LINGO2: variants seen among roughly 807,000 people sequenced by gnomAD.
The protein encoded by LINGO2 is leucine rich repeat and Ig domain containing 2.
In LINGO2, 14 loss-of-function variants were observed where a neutral mutation model predicts 30.6. The ratio of observed to expected loss-of-function variants is 0.46; its 90% CI spans 0.30 to 0.72. The LOEUF is 0.72. LINGO2 is among the 30% of genes least tolerant of loss of function. The probability of loss-of-function intolerance (pLI) is 0.07; values close to 1 mark genes in which losing one functional copy is unlikely to be tolerated. For synonymous variants in LINGO2, 317 were observed against 288.5 expected, an observed-to-expected ratio of 1.10 and a Z score of -1.00; for missense variants, 729 against 751.7, an observed-to-expected ratio of 0.97 and a Z score of 0.35.
the LINGO2 span, among the ~76,000 whole-genome samples, chr9:29,100,783 T>A: frequency 6.6e-6 from 1 of 152,144 alleles, no homozygotes; most frequent in Admixed American, 6.6e-5. Context: ...TTAACCCTAA[T>A]GTGATTATTA....
chr9:29,027,737 A>G, the LINGO2 span, among the ~76,000 whole-genome samples: 3 of 152,206 alleles, frequency 2.0e-5, no homozygotes, highest in Admixed American at 6.6e-5. Context: ...CTTAGGAAAT[A>G]AGCTTTTATG....
At chr9:28,638,533 C>G (rs62548212) in intron 1 of LINGO2, among the ~76,000 whole-genome samples, 10,775 of 152,130 alleles carry the variant, frequency 0.071, 552 homozygotes, top group Admixed American at 0.19. Context: ...CAACTGCTTC[C>G]TGGTTTAGTC....
the LINGO2 span, among the ~76,000 whole-genome samples, chr9:28,899,186 C>T: frequency 2.0e-5 from 3 of 152,178 alleles, no homozygotes; most frequent in South Asian, 2.1e-4. Flanking sequence ...CACATTGCCC[C>T]GTCCCCAAAC....
chr9:29,204,956 G>A, the LINGO2 span, among the ~76,000 whole-genome samples: 1 of 152,202 alleles, frequency 6.6e-6, no homozygotes, highest in African/African-American at 2.4e-5. Flanking sequence ...TCCTTATCAA[G>A]TTGAGGAAGT....
the LINGO2 span, among the ~76,000 whole-genome samples, chr9:28,832,470 A>G: frequency 6.6e-6 from 1 of 152,160 alleles, no homozygotes; most frequent in Admixed American, 6.6e-5. Flanking sequence ...TAGAGTATAC[A>G]ATAATTTCTG....
chr9:29,071,034 AC>A, the LINGO2 span, among the ~76,000 whole-genome samples: 2 of 151,020 alleles, frequency 1.3e-5, no homozygotes, highest in South Asian at 2.1e-4. Flanking sequence ...AAACAAAAAA[AC>A]ATATGTATAT....
intron 5 of LINGO2, among the ~76,000 whole-genome samples, chr9:27,952,849 G>T (rs1237258328): frequency 6.6e-6 from 1 of 152,024 alleles, no homozygotes; most frequent in African/African-American, 2.4e-5. Flanking sequence ...TGTGAATAAA[G>T]TTAGAAACCC....
chr9:29,180,223 G>C, the LINGO2 span, among the ~76,000 whole-genome samples: 2 of 152,060 alleles, frequency 1.3e-5, no homozygotes, highest in Non-Finnish European at 2.9e-5. Context: ...TAGATTTTTC[G>C]CTTCCATTTT....
At chr9:28,986,553 C>A in the LINGO2 span, among the ~76,000 whole-genome samples, 1 of 151,942 alleles carries the variant, frequency 6.6e-6, no homozygotes, top group Non-Finnish European at 1.5e-5. Context: ...TTTCTTTCAT[C>A]AATGTTTTAT....
the LINGO2 span, among the ~76,000 whole-genome samples, chr9:29,189,812 C>G: frequency 3.3e-5 from 5 of 152,052 alleles, no homozygotes; most frequent in African/African-American, 9.7e-5. Context: ...GAGCTGGAGA[C>G]CAGCCCGGCC....
chr9:28,996,956 C>T, the LINGO2 span, among the ~76,000 whole-genome samples: 9 of 152,148 alleles, frequency 5.9e-5, no homozygotes, highest in South Asian at 2.1e-4. Flanking sequence ...TTCTTTTAAA[C>T]GCTTTCTCTG....
the LINGO2 span, among the ~76,000 whole-genome samples, chr9:28,874,258 T>C: frequency 6.6e-6 from 1 of 152,074 alleles, no homozygotes; most frequent in Non-Finnish European, 1.5e-5. Context: ...GGCCATTAAT[T>C]TGAGTACATC....
At chr9:28,479,721 C>G (rs1010703033) in intron 1 of LINGO2, among the ~76,000 whole-genome samples, 4 of 150,728 alleles carry the variant, frequency 2.7e-5, no homozygotes, top group African/African-American at 7.3e-5. Flanking sequence ...TTCCAAACAA[C>G]AATGTATTTC....
intron 1 of LINGO2, among the ~76,000 whole-genome samples, chr9:28,603,266 T>G (rs1825563232): frequency 6.6e-6 from 1 of 152,004 alleles, no homozygotes; most frequent in African/African-American, 2.4e-5. Flanking sequence ...TCAGTAATAA[T>G]GTAGACATTT....
the LINGO2 span, among the ~76,000 whole-genome samples, chr9:28,931,776 T>C: frequency 6.6e-6 from 1 of 152,106 alleles, no homozygotes. Context: ...AGGCATCACT[T>C]ACAAATGAGG....
chr9:29,036,596 G>T, the LINGO2 span, among the ~76,000 whole-genome samples: 1 of 152,002 alleles, frequency 6.6e-6, no homozygotes, highest in Non-Finnish European at 1.5e-5. Flanking sequence ...ATTCAACATG[G>T]AAGAGTGTAC....
chr9:28,464,967 C>G (rs2135139905), intron 2 of LINGO2, among the ~76,000 whole-genome samples: 1 of 152,324 alleles, frequency 6.6e-6, no homozygotes, highest in African/African-American at 2.4e-5. Flanking sequence ...GGAGTAGGAG[C>G]ACACAGGTGA....
the LINGO2 span, among the ~76,000 whole-genome samples, chr9:29,032,052 A>G: frequency 6.6e-6 from 1 of 152,156 alleles, no homozygotes; most frequent in Admixed American, 6.6e-5. Flanking sequence ...TCCCATGTTT[A>G]GTCTTCCACT....
At chr9:28,248,604 T>A (rs1822087940) in intron 4 of LINGO2, among the ~76,000 whole-genome samples, 1 of 152,144 alleles carries the variant, frequency 6.6e-6, no homozygotes, top group African/African-American at 2.4e-5. Context: ...CATCTTAAAA[T>A]AACTAAGAGT....
Sources: gnomAD v4.1 joint callset for allele counts (sites outside exome capture counted in the v4.1 genomes callset) on GRCh38, gnomAD v4.1.1 for gene constraint, MANE v1.5 for transcripts, NCBI Gene and HGNC (gene_info 2026-07-23, HGNC 2026-07-21) for gene names.